The following PEPD variants were observed in gnomAD, a reference collection of about 807,000 sequenced individuals.
The protein encoded by PEPD is peptidase D, also known as xaa-Pro dipeptidase.
Under a neutral mutation model 60.7 loss-of-function variants are expected in PEPD, and 53 were observed. That is an observed-to-expected ratio of 0.87 (90% CI 0.70 to 1.10). The LOEUF is 1.10. PEPD is among the 50% of genes least tolerant of loss of function. The pLI, the probability that PEPD is intolerant of heterozygous loss-of-function variation, is 0.00. For missense variants in PEPD, 711 were observed against 711.9 expected, an observed-to-expected ratio of 1.00 and a Z score of 0.01; for synonymous variants, 267 against 284.1, an observed-to-expected ratio of 0.94 and a Z score of 0.60.
chr19:33,480,603 T>C (rs151313219), intron 6 of PEPD, among the ~76,000 whole-genome samples: 1,781 of 152,252 alleles, frequency 0.012, 27 homozygotes, highest in South Asian at 0.071. Flanking sequence ...CAGACCATCC[T>C]GGCCAATATG....
intron 9 of PEPD, among the ~76,000 whole-genome samples, chr19:33,434,587 C>T (rs930385065): frequency 2.1e-4 from 32 of 151,698 alleles, no homozygotes; most frequent in Admixed American, 3.3e-4. Flanking sequence ...CAGGATTCCC[C>T]GCAGGACGAG....
At chr19:33,451,718 G>A (rs1023394387) in intron 9 of PEPD, among the ~76,000 whole-genome samples, 2 of 152,174 alleles carry the variant, frequency 1.3e-5, no homozygotes, top group African/African-American at 4.8e-5. Flanking sequence ...GATATGCCAG[G>A]AAAATGTAAC....
chr19:33,467,166 AAAAAAG>A (rs1313440385), intron 7 of PEPD, among the ~76,000 whole-genome samples: 8 of 151,490 alleles, frequency 5.3e-5, no homozygotes, highest in African/African-American at 1.2e-4. Flanking sequence ...CAAAAAAAAA[AAAAAAG>A]AAAGAAAGAA....
intron 4 of PEPD, among the ~76,000 whole-genome samples, chr19:33,498,463 A>G (rs1301194187): frequency 6.6e-6 from 1 of 152,188 alleles, no homozygotes; most frequent in African/African-American, 2.4e-5. Context: ...CACAGTAGAC[A>G]CGGAGCTGAA....
At chr19:33,439,440 C>T (rs1369591925) in intron 9 of PEPD, among the ~76,000 whole-genome samples, 1 of 152,216 alleles carries the variant, frequency 6.6e-6, no homozygotes, top group East Asian at 1.9e-4. Flanking sequence ...AGTAAAGACT[C>T]CTCCCCTTTG....
At chr19:33,506,338 ACAC>A (rs1214949770) in intron 3 of PEPD, among the ~76,000 whole-genome samples, 2 of 141,990 alleles carry the variant, frequency 1.4e-5, no homozygotes, top group South Asian at 2.3e-4. Flanking sequence ...ACACACCCAC[ACAC>A]AACACAGGAC....
chr19:33,389,148 C>A (rs1450194514), intron 13 of PEPD: 1 of 152,348 alleles, frequency 6.6e-6, no homozygotes, highest in Non-Finnish European at 1.5e-5. Context: ...GGCTCGGCCT[C>A]CACGCTGGGC....
rs534780314 is a variant in PEPD at position 33,515,133 on chromosome 19, C to A, written c.18-2357G>T. Among the ~76,000 whole-genome samples, 3 of 152,308 alleles carry A rather than the reference C, an allele frequency of 2.0e-5. No individual in the cohort carries two copies. The South Asian group carries it at 6.2e-4, about 32-fold the overall frequency. ...GTCACTGCCGTGCCCTCGCCTGGTG[C>A]CTTGCCTGACACACAGCAAACGCTC... On this transcript the variant is annotated intron_variant, in intron 1 of 14. Coordinates refer to ENST00000244137, the MANE Select transcript of PEPD (RefSeq NM_000285.4).
At chr19:33,425,321 C>CA (rs1191644590) in intron 9 of PEPD, among the ~76,000 whole-genome samples, 1 of 151,874 alleles carries the variant, frequency 6.6e-6, no homozygotes, top group African/African-American at 2.4e-5. Flanking sequence ...AACAAACAAA[C>CA]AAAAAGGCTT....
At chr19:33,445,421 A>G (rs1275871046) in intron 9 of PEPD, among the ~76,000 whole-genome samples, 1 of 152,248 alleles carries the variant, frequency 6.6e-6, no homozygotes, top group Non-Finnish European at 1.5e-5. Flanking sequence ...ACAGGTGATT[A>G]GGCTAAACTG....
intron 12 of PEPD, among the ~76,000 whole-genome samples, chr19:33,401,482 G>A (rs945357655): frequency 2.0e-5 from 3 of 152,142 alleles, no homozygotes; most frequent in Non-Finnish European, 4.4e-5. Flanking sequence ...CCAGCAGACC[G>A]GGGAGCCTTG....
chr19:33,441,334 C>T (rs1208498109), intron 9 of PEPD, among the ~76,000 whole-genome samples: 1 of 152,244 alleles, frequency 6.6e-6, no homozygotes, highest in Non-Finnish European at 1.5e-5. Context: ...AACACCAACA[C>T]GTGCCCCTTA....
chr19:33,470,309 G>T (rs1367133042), intron 7 of PEPD, among the ~76,000 whole-genome samples: 1 of 152,090 alleles, frequency 6.6e-6, no homozygotes, highest in East Asian at 1.9e-4. Context: ...GTTTCCAGTG[G>T]CCTTTAGGTT....
chr19:33,501,190 C>T lies in PEPD; in HGVS notation c.330-189G>A, dbSNP rs115480177. Among the ~76,000 whole-genome samples, 2,278 of 152,248 alleles carry T rather than the reference C, an allele frequency of 0.015. 61 individuals are homozygous for T. Among genetic ancestry groups the T allele is most frequent in the African/African-American group, 0.051 (2,132 of 41,534 alleles). On this transcript the variant is annotated intron_variant, in intron 3 of 14. Coordinates refer to ENST00000244137, the MANE Select transcript of PEPD (RefSeq NM_000285.4). ...ACTTGGAGGGCAAAGGCCATTAGGC[C>T]ATGGAGTGACGGCTGAACCACAGCT...
chr19:33,413,464 G>C (rs1044946185), intron 10 of PEPD, 111 bp downstream of exon 10: 1 of 705,662 alleles, frequency 1.4e-6, no homozygotes, highest in Non-Finnish European at 2.6e-6. Context: ...TGGTGTGGGC[G>C]TGTGAGTGAG....
chr19:33,521,004 G>GT (rs1464233045), intron 1 of PEPD, among the ~76,000 whole-genome samples: 1 of 152,188 alleles, frequency 6.6e-6, no homozygotes, highest in Non-Finnish European at 1.5e-5. Context: ...CTCAACCTTT[G>GT]TCCCTTACCC....
intron 7 of PEPD, among the ~76,000 whole-genome samples, chr19:33,464,405 TG>T (rs748327622): frequency 3.9e-5 from 6 of 152,088 alleles, no homozygotes; most frequent in Non-Finnish European, 7.4e-5. Context: ...TCCCCATGCA[TG>T]GAAGGGGGAT....
chr19:33,426,648 A>G (rs931422962), intron 9 of PEPD, among the ~76,000 whole-genome samples: 4 of 152,302 alleles, frequency 2.6e-5, no homozygotes, highest in Non-Finnish European at 5.9e-5. Flanking sequence ...GGACCTGGTC[A>G]CCCGGGAGGC....
At chr19:33,410,527 G>A (rs1459077118) in intron 11 of PEPD, among the ~76,000 whole-genome samples, 1 of 152,200 alleles carries the variant, frequency 6.6e-6, no homozygotes, top group African/African-American at 2.4e-5. Context: ...ACTACCTGCT[G>A]TAGGGTGAGG....
Sources: allele counts gnomAD v4.1 joint callset (sites outside exome capture counted in the v4.1 genomes callset), GRCh38; gene constraint gnomAD v4.1.1; transcripts MANE v1.5; gene names NCBI Gene and HGNC (gene_info 2026-07-23, HGNC 2026-07-21).